VPS8: variants seen among roughly 807,000 people sequenced by gnomAD.
The protein encoded by VPS8 is vacuolar protein sorting-associated protein 8 homolog.
Under a neutral mutation model 216.4 loss-of-function variants are expected in VPS8, and 129 were observed. The observed-to-expected ratio is 0.60, with a 90% CI of 0.52 to 0.69. VPS8 has a LOEUF of 0.69. Ranked by LOEUF, VPS8 falls within the 30% of genes least tolerant of loss-of-function variation. VPS8 has a pLI of 0.00. For missense variants in VPS8, 1,531 were observed against 1,683.5 expected (o/e 0.91, Z 1.59); for synonymous variants, 571 against 565.4 (o/e 1.01, Z -0.14).
chr3:185,008,065 T>G (rs1754503118), intron 45 of VPS8, among the ~76,000 whole-genome samples: 1 of 151,940 alleles, frequency 6.6e-6, no homozygotes, highest in African/African-American at 2.4e-5. Context: ...ATTACTATAA[T>G]TAAACCAAAT....
At chr3:184,896,917 T>C (rs1289973079) in intron 23 of VPS8, among the ~76,000 whole-genome samples, 5 of 152,066 alleles carry the variant, frequency 3.3e-5, no homozygotes, top group Admixed American at 3.3e-4. Context: ...TCTTGGGAGC[T>C]GAATGACAAG....
At chr3:185,011,111 T>C (rs1400204529) in intron 45 of VPS8, among the ~76,000 whole-genome samples, 1 of 35,960 alleles carries the variant, frequency 2.8e-5, no homozygotes, top group Non-Finnish European at 8.4e-5. Context: ...GGACACAGAG[T>C]ACAAAAAAAA....
Position 184,869,523 on chromosome 3 carries a change from G to T in VPS8, c.1639G>T (p.Asp547Tyr). 1 of 1,613,312 alleles carries T rather than the reference G, an allele frequency of 6.2e-7. No homozygotes were observed. The highest frequency in any genetic ancestry group is 1.1e-5 in the South Asian group (1 of 91,022). ...CAGTAAGCGAAAGGCTATTGTTGCAGACCGGGTGAGTATTTTAAGAGGGTC... is the reference window on the plus strand; with the variant it reads ...CAGTAAGCGAAAGGCTATTGTTGCATACCGGGTGAGTATTTTAAGAGGGTC... ...DASKRKAIVA[D>Y]RMVEILFHYA... Residue 547 changes from aspartate to tyrosine, a missense_variant, in exon 20 of 48, where the codon GAC becomes TAC. By Grantham distance (160) the Asp-to-Tyr change is radical. This residue lies in a region of VPS8 where 1,318 missense variants were observed against 1,468.4 expected (regional missense o/e 0.90). Coordinates refer to ENST00000625842, the MANE Select transcript of VPS8 (RefSeq NM_001009921.3).
At chr3:185,022,203 G>C (rs1293583053) in intron 45 of VPS8, among the ~76,000 whole-genome samples, 1 of 152,118 alleles carries the variant, frequency 6.6e-6, no homozygotes, top group Non-Finnish European at 1.5e-5. Context: ...AAAGAAGGAC[G>C]TATTTGCTTC....
chr3:184,817,254 T>TAGGGAGGG (rs568654066), intron 1 of VPS8: 30 of 137,310 alleles, frequency 2.2e-4, no homozygotes, highest in Non-Finnish European at 4.3e-4. Flanking sequence ...GGTATTTACC[T>TAGGGAGGG]AGGGAGGGAG....
intron 42 of VPS8, among the ~76,000 whole-genome samples, chr3:184,986,869 G>T (rs748403124): frequency 6.6e-6 from 1 of 152,046 alleles, no homozygotes; most frequent in Non-Finnish European, 1.5e-5. Flanking sequence ...TTTGCCTACG[G>T]TTAACATTTT....
intron 25 of VPS8, among the ~76,000 whole-genome samples, chr3:184,904,722 A>G (rs558851629): frequency 6.6e-6 from 1 of 152,260 alleles, no homozygotes; most frequent in East Asian, 1.9e-4. Context: ...TGCCTCATAG[A>G]ATGAGTTGGG....
chr3:184,885,761 A>T (rs1731099238), intron 21 of VPS8, among the ~76,000 whole-genome samples: 1 of 151,858 alleles, frequency 6.6e-6, no homozygotes, highest in South Asian at 2.1e-4. Flanking sequence ...AAATTTACTT[A>T]TTTTCCCATG....
rs1360971385 is a variant in VPS8, at chr3:184,860,044, C to T, written c.1203C>T (p.Tyr401=). The change falls in exon 15 of 48, where the codon TAC becomes TAT. Residue 401 remains tyrosine, a synonymous_variant. Coordinates refer to ENST00000625842, the MANE Select transcript of VPS8 (RefSeq NM_001009921.3). ...HVTKQKHLHL[Y]YDLINFTWIN... is the part of the protein sequence containing the mutation. ...CTAAGCAAAAGCATCTTCACCTATA[C>T]TATGACCTCATCAACTTTACCGTGA... is the stretch of plus-strand genomic sequence containing the variant. 2 of 1,612,048 alleles carry T rather than the reference C, an allele frequency of 1.2e-6. No homozygotes were observed. The highest frequency in any genetic ancestry group is 2.7e-5 in the African/African-American group (2 of 74,884).
At chr3:184,850,814 T>C (rs953658601) in intron 10 of VPS8, among the ~76,000 whole-genome samples, 2 of 152,202 alleles carry the variant, frequency 1.3e-5, no homozygotes, top group Non-Finnish European at 2.9e-5. Context: ...TGCAAGCATC[T>C]GGAGTTTGTA....
chr3:184,922,301 T>C, intron 29 of VPS8: 2 of 327,436 alleles, frequency 6.1e-6, no homozygotes, highest in Non-Finnish European at 1.2e-5. Flanking sequence ...ATGCTTCAGT[T>C]AGCACACTGT....
At chr3:184,872,281 T>G (rs1728477661) in intron 21 of VPS8, among the ~76,000 whole-genome samples, 1 of 151,912 alleles carries the variant, frequency 6.6e-6, no homozygotes, top group African/African-American at 2.4e-5. Context: ...GGAATGAGTG[T>G]GTATGTGTGT....
chr3:184,900,483 G>C (rs1017783705), intron 24 of VPS8, among the ~76,000 whole-genome samples: 13 of 152,128 alleles, frequency 8.5e-5, no homozygotes, highest in African/African-American at 3.1e-4. Flanking sequence ...CCCTCTGAAG[G>C]GGGAGCTAAA....
chr3:184,987,836 A>G (rs1751344942), intron 42 of VPS8, among the ~76,000 whole-genome samples: 1 of 152,244 alleles, frequency 6.6e-6, no homozygotes, highest in African/African-American at 2.4e-5. Context: ...ATACCATTTT[A>G]CATTTCCGCC....
At chr3:185,005,423 T>C (rs2109954240) in intron 45 of VPS8, among the ~76,000 whole-genome samples, 1 of 152,260 alleles carries the variant, frequency 6.6e-6, no homozygotes, top group East Asian at 1.9e-4. Flanking sequence ...GATGATGGTA[T>C]TTTGATGGGA....
intron 46 of VPS8, among the ~76,000 whole-genome samples, chr3:185,028,342 C>T (rs1235502088): frequency 5.3e-5 from 8 of 152,128 alleles, no homozygotes; most frequent in Non-Finnish European, 1.2e-4. Flanking sequence ...CCTTAAGAAA[C>T]AAGGGAAATG....
chr3:184,847,510 A>G (rs1188634838), intron 8 of VPS8, among the ~76,000 whole-genome samples: 3 of 152,224 alleles, frequency 2.0e-5, no homozygotes, highest in Non-Finnish European at 4.4e-5. Flanking sequence ...CAGAGAGGTC[A>G]TAGTGTAATA....
intron 34 of VPS8, 56 bp from the exon 35 acceptor site, chr3:184,936,190 G>C: frequency 6.8e-7 from 1 of 1,464,354 alleles, no homozygotes. Context: ...CACATCTGTG[G>C]ATATGCTGTT....
At chr3:184,890,685 C>T (rs903549466) in intron 22 of VPS8, among the ~76,000 whole-genome samples, 1 of 151,954 alleles carries the variant, frequency 6.6e-6, no homozygotes, top group Non-Finnish European at 1.5e-5. Flanking sequence ...TCACAGTAAT[C>T]ACATTTGTTT....
Sources: gnomAD v4.1 joint callset for allele counts (sites outside exome capture counted in the v4.1 genomes callset) on GRCh38, gnomAD v4.1.1 for gene constraint, gnomAD v4.1.1 regional missense constraint, MANE v1.5 for transcripts, NCBI Gene and HGNC (gene_info 2026-07-23, HGNC 2026-07-21) for gene names.